PTH2R: variants seen among roughly 807,000 people sequenced by gnomAD.
The protein encoded by PTH2R is parathyroid hormone 2 receptor.
In PTH2R, 59 loss-of-function variants were observed where a neutral mutation model predicts 60.3. That is an observed-to-expected ratio of 0.98 (90% CI 0.79 to 1.22). The LOEUF (loss-of-function observed/expected upper bound fraction) is 1.22. PTH2R is among the 50% of genes most tolerant of loss of function. PTH2R has a pLI of 0.00. For synonymous variants in PTH2R, 256 were observed against 243.8 expected, an observed-to-expected ratio of 1.05 and a Z score of -0.47; for missense variants, 749 against 682.6, an observed-to-expected ratio of 1.10 and a Z score of -1.08.
chr2:208,469,459 A>G (rs950493245), intron 9 of PTH2R, among the ~76,000 whole-genome samples: 1 of 152,192 alleles, frequency 6.6e-6, no homozygotes, highest in Non-Finnish European at 1.5e-5. Flanking sequence ...TAAGCAATAT[A>G]TGAGGTAAAC....
intron 9 of PTH2R, among the ~76,000 whole-genome samples, chr2:208,477,337 C>T (rs1559231629): frequency 6.6e-6 from 1 of 152,126 alleles, no homozygotes; most frequent in South Asian, 2.1e-4. Context: ...AGTAAACGAT[C>T]CAGGCAAAGA....
intron 1 of PTH2R, among the ~76,000 whole-genome samples, chr2:208,408,740 A>AGAGAGAGAGAGAGAGAGAGAGAG (rs1553542827): frequency 8.1e-6 from 1 of 123,316 alleles, no homozygotes; most frequent in Non-Finnish European, 1.6e-5. Flanking sequence ...GAGAGAGAGA[A>AGAGAGAGAGAGAGAGAGAGAGAG]AGAGAGAGAG....
At chr2:208,474,080 G>A (rs1702943743) in intron 9 of PTH2R, among the ~76,000 whole-genome samples, 1 of 152,142 alleles carries the variant, frequency 6.6e-6, no homozygotes, top group Admixed American at 6.5e-5. Context: ...GTGAACAAGT[G>A]TATGAATCCT....
chr2:208,360,468 G>T (rs1700438277), intron 1 of PTH2R, among the ~76,000 whole-genome samples: 1 of 152,160 alleles, frequency 6.6e-6, no homozygotes, highest in Non-Finnish European at 1.5e-5. Flanking sequence ...CGCAGCTCTG[G>T]GCCAGACCCG....
chr2:208,492,507 C>T (rs1201412557), intron 12 of PTH2R, among the ~76,000 whole-genome samples: 2 of 152,006 alleles, frequency 1.3e-5, no homozygotes, highest in Non-Finnish European at 2.9e-5. Flanking sequence ...ACGTTTAGGC[C>T]AGCTGTGCTA....
intron 2 of PTH2R, among the ~76,000 whole-genome samples, chr2:208,430,583 G>T (rs1701951023): frequency 7.3e-6 from 1 of 136,378 alleles, no homozygotes. Flanking sequence ...GTCTCGCTCT[G>T]TCACCCAGGC....
chr2:208,385,298 GT>G (rs1375755705), intron 1 of PTH2R, among the ~76,000 whole-genome samples: 1 of 152,150 alleles, frequency 6.6e-6, no homozygotes, highest in Non-Finnish European at 1.5e-5. Flanking sequence ...AGTAAGTGTG[GT>G]CAGTAAACAC....
At chr2:208,367,038 T>C (rs1301131774) in intron 1 of PTH2R, among the ~76,000 whole-genome samples, 2 of 152,216 alleles carry the variant, frequency 1.3e-5, no homozygotes, top group Admixed American at 1.3e-4. Context: ...TCAGAGTCTA[T>C]TCTGGCTCAG....
chr2:208,376,304 A>G (rs1400700312), intron 1 of PTH2R, among the ~76,000 whole-genome samples: 3 of 152,118 alleles, frequency 2.0e-5, no homozygotes, highest in South Asian at 2.1e-4. Context: ...CGAACCAGGG[A>G]AACTTGAGAA....
At chr2:208,421,016 C>T (rs76933302) in intron 1 of PTH2R, among the ~76,000 whole-genome samples, 3,016 of 152,116 alleles carry the variant, frequency 0.02, 91 homozygotes, top group African/African-American at 0.068. Flanking sequence ...AAAATTTAAC[C>T]GTGCTTTGTT....
chr2:208,381,540 A>G (rs1700915141), intron 1 of PTH2R, among the ~76,000 whole-genome samples: 1 of 152,220 alleles, frequency 6.6e-6, no homozygotes, highest in Non-Finnish European at 1.5e-5. Flanking sequence ...CTCCTGCCTC[A>G]CACTCTGGAG....
Position 208,414,359 on chromosome 2 carries a change from A to T in PTH2R, c.75+7241A>T, listed in dbSNP as rs900909081. Among the ~76,000 whole-genome samples, 4 of 152,180 alleles carry T rather than the reference A, an allele frequency of 2.6e-5. No individual in the cohort carries two copies. In the East Asian group the frequency reaches 7.7e-4, roughly 29 times the overall value. On this transcript the variant is annotated intron_variant, in intron 1 of 12. Coordinates refer to ENST00000272847, the MANE Select transcript of PTH2R (RefSeq NM_005048.4). ...ATATAATTTAATAAAAGTGGAGCCC[A>T]TTTAATATATCTGGTGACAATAGTA...
rs188659288 is a variant in PTH2R, at chr2:208,441,634, C to G, written c.412-730C>G. On this transcript the variant is annotated intron_variant, in intron 4 of 12. Transcript: ENST00000272847. ...ATGACAAAATTATAGAGACAGAAAA[C>G]AGATTAATGGTTGCCAGGTGTTTGG... Among the ~76,000 whole-genome samples, 33 of 152,192 alleles carry G rather than the reference C, an allele frequency of 2.2e-4. No individual in the cohort carries two copies. The East Asian group carries it at 6.2e-3, about 28-fold the overall frequency.
In PTH2R at chr2:208,419,756, C is replaced by T. The variant is rs1219828257; in HGVS notation, c.76-8445C>T. ...TTCTACATATGGCTAGCCAGTTTTCCCAGCACCATTTATTAAACAGGGAAT... is the reference window on the plus strand; with the variant it reads ...TTCTACATATGGCTAGCCAGTTTTCTCAGCACCATTTATTAAACAGGGAAT... On this transcript the variant is annotated intron_variant, in intron 1 of 12. Coordinates refer to ENST00000272847, the MANE Select transcript of PTH2R (RefSeq NM_005048.4). Among the ~76,000 whole-genome samples the T allele has an allele frequency of 2.0e-5, 3 of 152,214 alleles. No individual in the cohort carries two copies. In the East Asian group the frequency reaches 5.8e-4, roughly 29 times the overall value.
intron 1 of PTH2R, among the ~76,000 whole-genome samples, chr2:208,388,132 ACC>A (rs55810977): frequency 3.0e-4 from 39 of 131,390 alleles, no homozygotes; most frequent in Middle Eastern, 3.8e-3. Context: ...ACATGGTGAA[ACC>A]CCCCCCCCCG....
chr2:208,422,686 G>A (rs772339680), intron 1 of PTH2R, among the ~76,000 whole-genome samples: 2 of 151,990 alleles, frequency 1.3e-5, no homozygotes, highest in African/African-American at 2.4e-5. Flanking sequence ...TTTTTTTGGT[G>A]ATAATTGTAA....
At chr2:208,393,616 T>C (rs1028944501) in intron 1 of PTH2R, among the ~76,000 whole-genome samples, 1 of 152,216 alleles carries the variant, frequency 6.6e-6, no homozygotes, top group South Asian at 2.1e-4. Flanking sequence ...CTCATCTCCG[T>C]ATTTTTCTGC....
At chr2:208,368,030 C>T (rs889718617) in intron 1 of PTH2R, among the ~76,000 whole-genome samples, 1 of 124,980 alleles carries the variant, frequency 8.0e-6, no homozygotes, top group Non-Finnish European at 1.8e-5. Flanking sequence ...CAAAGACAAA[C>T]AATTACGTGA....
Position 208,493,720 on chromosome 2 carries a change from G to A in PTH2R, c.*61G>A. ...AATGGCTGGTTGTGTGAGAGGGCTTGGCTGATACTCCTATGCTTGAGTTCA... is the reference window on the plus strand; with the variant it reads ...AATGGCTGGTTGTGTGAGAGGGCTTAGCTGATACTCCTATGCTTGAGTTCA... On this transcript the variant is annotated 3_prime_UTR_variant, in exon 13 of 13. Transcript: ENST00000272847. 2.7e-6 allele frequency: 4 copies of A among 1,488,042 alleles called. No homozygotes were observed. The African/African-American group carries it at 4.2e-5, about 16-fold the overall frequency. The allele number at this position is 1,488,042 out of a possible 1,614,324, so 92.2% of individuals were successfully genotyped here. A position where few individuals can be genotyped will look rare whatever the true frequency, so the allele number is the denominator to read the frequency against.
Sources: allele counts gnomAD v4.1 joint callset (sites outside exome capture counted in the v4.1 genomes callset), GRCh38; gene constraint gnomAD v4.1.1; transcripts MANE v1.5; gene names NCBI Gene and HGNC (gene_info 2026-07-23, HGNC 2026-07-21).